The following ARHGAP26 variants were observed in gnomAD, a reference collection of about 807,000 sequenced individuals.
The protein encoded by ARHGAP26 is rho GTPase-activating protein 26.
A neutral mutation model predicts 104.8 loss-of-function variants in ARHGAP26; 38 were observed. That is an observed-to-expected ratio of 0.36 (90% CI 0.28 to 0.48). The LOEUF (loss-of-function observed/expected upper bound fraction) is 0.48. ARHGAP26 is among the 20% of genes least tolerant of loss of function. The pLI, the probability that ARHGAP26 is intolerant of heterozygous loss-of-function variation, is 0.99. For synonymous variants in ARHGAP26, 341 were observed against 340.0 expected (o/e 1.00, Z -0.03); for missense variants, 704 against 947.9 (o/e 0.74, Z 3.38).
intron 17 of ARHGAP26, among the ~76,000 whole-genome samples, chr5:143,098,404 G>T (rs1409121355): frequency 6.6e-6 from 1 of 152,068 alleles, no homozygotes; most frequent in Admixed American, 6.5e-5. Context: ...TCTTAATGGT[G>T]AATTCAAGTT....
At chr5:142,833,279 T>C (rs1353356094) in intron 1 of ARHGAP26, among the ~76,000 whole-genome samples, 1 of 151,548 alleles carries the variant, frequency 6.6e-6, no homozygotes. Flanking sequence ...CAGGCTGGTC[T>C]CAAACTCCTG....
At chr5:143,187,441 C>T (rs1050500153) in intron 20 of ARHGAP26, among the ~76,000 whole-genome samples, 4 of 152,160 alleles carry the variant, frequency 2.6e-5, no homozygotes, top group Non-Finnish European at 5.9e-5. Flanking sequence ...GTTTCAACAG[C>T]TTCTAGGGCA....
intron 20 of ARHGAP26, among the ~76,000 whole-genome samples, chr5:143,206,963 C>G (rs184596439): frequency 6.6e-6 from 1 of 152,206 alleles, no homozygotes; most frequent in Non-Finnish European, 1.5e-5. Flanking sequence ...ACCTGAAAAG[C>G]AGTTGTTCTG....
At chr5:143,171,330 C>A (rs1455705335) in intron 20 of ARHGAP26, among the ~76,000 whole-genome samples, 1 of 152,154 alleles carries the variant, frequency 6.6e-6, no homozygotes, top group Non-Finnish European at 1.5e-5. Context: ...TGACCCCCAG[C>A]CAACAAGTCA....
At chr5:142,947,440 A>G (rs1767324184) in intron 11 of ARHGAP26, among the ~76,000 whole-genome samples, 1 of 152,136 alleles carries the variant, frequency 6.6e-6, no homozygotes, top group South Asian at 2.1e-4. Context: ...GTTGTTGGCT[A>G]TGCAAGGCAT....
At chr5:142,780,838 G>A (rs761746556) in intron 1 of ARHGAP26, among the ~76,000 whole-genome samples, 21 of 152,182 alleles carry the variant, frequency 1.4e-4, no homozygotes, top group Admixed American at 3.3e-4. Flanking sequence ...GAAGCTTCCC[G>A]GTGGGCACTG....
chr5:142,953,599 G>A lies in ARHGAP26; in HGVS notation c.1107+21474G>A, dbSNP rs188819810. On this transcript the variant is annotated intron_variant, in intron 11 of 22. Coordinates refer to ENST00000645722, the MANE Select transcript of ARHGAP26 (RefSeq NM_001135608.3). ...AGGCTCTTCAAGTCCTGACCCTGGA[G>A]AACACTGCCTGTTACGCTGGTTCAC... 2.0e-3 allele frequency among the ~76,000 whole-genome samples: 299 copies of A among 152,298 alleles called. 6 individuals carry two copies. The South Asian group carries it at 0.026, about 13-fold the overall frequency.
chr5:143,005,088 A>C (rs1045117053), intron 11 of ARHGAP26, among the ~76,000 whole-genome samples: 8 of 151,382 alleles, frequency 5.3e-5, no homozygotes, highest in South Asian at 4.1e-4. Flanking sequence ...CATGCACTTA[A>C]AAAAAAAATT....
At chr5:142,987,010 T>C (rs1176612137) in intron 11 of ARHGAP26, among the ~76,000 whole-genome samples, 1 of 152,202 alleles carries the variant, frequency 6.6e-6, no homozygotes, top group Non-Finnish European at 1.5e-5. Flanking sequence ...CCATATGAAC[T>C]TTAGGGTAGT....
chr5:142,813,000 C>G lies in ARHGAP26; in HGVS notation c.154+42085C>G, dbSNP rs184797659. ...TTGCCCAGGCTGGAGTGCAGTGGCG[C>G]GATCTCGGCTCACTGCAAGCTCCGC... On this transcript the variant is annotated intron_variant, in intron 1 of 22. Transcript: ENST00000645722. Among the ~76,000 whole-genome samples, 285 of 148,816 alleles carry G rather than the reference C, an allele frequency of 1.9e-3. 1 individual carries two copies. Among genetic ancestry groups the G allele is most frequent in the African/African-American group, 6.8e-3 (275 of 40,302 alleles).
At chr5:143,204,068 T>TA (rs11429323) in intron 20 of ARHGAP26, among the ~76,000 whole-genome samples, 20,309 of 143,652 alleles carry the variant, frequency 0.14, 4,483 homozygotes, top group African/African-American at 0.48. Context: ...AAAGTATAAT[T>TA]AAAAAAAAAA....
intron 18 of ARHGAP26, among the ~76,000 whole-genome samples, chr5:143,127,581 C>A (rs148979088): frequency 1.3e-5 from 2 of 152,328 alleles, no homozygotes; most frequent in East Asian, 3.9e-4. Context: ...ATGACCCCCA[C>A]TTAACACCTG....
At chr5:143,076,661 T>C (rs1046537829) in intron 17 of ARHGAP26, among the ~76,000 whole-genome samples, 1 of 152,224 alleles carries the variant, frequency 6.6e-6, no homozygotes, top group African/African-American at 2.4e-5. Flanking sequence ...TTTTGAACTA[T>C]GTTTTGATAC....
chr5:143,063,519 G>A (rs998579330), intron 17 of ARHGAP26, among the ~76,000 whole-genome samples: 3 of 152,220 alleles, frequency 2.0e-5, no homozygotes, highest in African/African-American at 7.2e-5. Flanking sequence ...TGGACCAGAC[G>A]TTTTTGGAAT....
At chr5:142,907,890 G>T in intron 9 of ARHGAP26, 86 bp downstream of exon 9, 1 of 785,450 alleles carries the variant, frequency 1.3e-6, no homozygotes, top group Non-Finnish European at 1.9e-6. Context: ...CACCTCCAGT[G>T]TTATATTTAT....
rs555115903 is a variant in ARHGAP26 at position 143,016,262 on chromosome 5, A to G, written c.1144+2146A>G. On this transcript the variant is annotated intron_variant, in intron 12 of 22. Coordinates refer to ENST00000645722, the MANE Select transcript of ARHGAP26 (RefSeq NM_001135608.3). ...AGAAAAGAATAAGACAAACAGTTTTATTTTGGAAAATATAAGCAGTTGTGA... is the reference window on the plus strand; with the variant it reads ...AGAAAAGAATAAGACAAACAGTTTTGTTTTGGAAAATATAAGCAGTTGTGA... 3.9e-5 allele frequency among the ~76,000 whole-genome samples: 6 copies of G among 152,346 alleles called. No homozygotes were observed. The South Asian group carries it at 1.2e-3, about 32-fold the overall frequency.
At chr5:142,861,494 G>A (rs1016679190) in intron 1 of ARHGAP26, among the ~76,000 whole-genome samples, 11 of 152,076 alleles carry the variant, frequency 7.2e-5, no homozygotes, top group African/African-American at 2.7e-4. Context: ...GAGTGTCTGA[G>A]CTGTGTCCAG....
intron 20 of ARHGAP26, among the ~76,000 whole-genome samples, chr5:143,193,676 T>G (rs1806320395): frequency 6.6e-6 from 1 of 152,144 alleles, no homozygotes; most frequent in South Asian, 2.1e-4. Flanking sequence ...AGTGAAAAGG[T>G]GAAAGTTACT....
chr5:143,084,615 G>C (rs745999741), intron 17 of ARHGAP26, among the ~76,000 whole-genome samples: 11 of 152,194 alleles, frequency 7.2e-5, no homozygotes, highest in Admixed American at 2.0e-4. Context: ...GACATCTTGT[G>C]ATCTGGACAC....
Sources: allele counts gnomAD v4.1 joint callset (sites outside exome capture counted in the v4.1 genomes callset), GRCh38; gene constraint gnomAD v4.1.1; transcripts MANE v1.5; gene names NCBI Gene and HGNC (gene_info 2026-07-23, HGNC 2026-07-21).